PCYT1A: variants seen among roughly 807,000 people sequenced by gnomAD.
The protein encoded by PCYT1A is phosphate cytidylyltransferase 1A, choline, also known as choline-phosphate cytidylyltransferase A.
A neutral mutation model predicts 43.7 loss-of-function variants in PCYT1A; 25 were observed. The observed-to-expected ratio is 0.57, with a 90% confidence interval of 0.42 to 0.80. The LOEUF is 0.80. PCYT1A is among the 30% of genes least tolerant of loss of function. The pLI, the probability that PCYT1A is intolerant of heterozygous loss-of-function variation, is 0.00. For synonymous variants in PCYT1A, 172 were observed against 170.7 expected, an observed-to-expected ratio of 1.01 and a Z score of -0.06; for missense variants, 421 against 474.2, an observed-to-expected ratio of 0.89 and a Z score of 1.04.
intron 2 of PCYT1A, among the ~76,000 whole-genome samples, chr3:196,259,911 CTTTTTTTTTTT>C (rs779918737): frequency 8.8e-4 from 43 of 48,962 alleles, no homozygotes; most frequent in African/African-American, 2.9e-3. Context: ...TGGAAACATT[CTTTTTTTTTTT>C]TTTTTTTTTT....
Position 196,252,468 on chromosome 3 carries a change from T to C in PCYT1A, c.218-4145A>G, listed in dbSNP as rs1724832369. ...GTTGGCCAGGCTGGTCTCAATTTCC[T>C]GACCTCAAGTGATCTGCCCGCCTTG... On this transcript the variant is annotated intron_variant, in intron 3 of 8. Coordinates refer to ENST00000431016, the MANE Select transcript of PCYT1A (RefSeq NM_001312673.2). The surrounding 1 kb of genome is among the most constrained non-coding windows in gnomAD (Gnocchi z 4.0). Among the ~76,000 whole-genome samples, 1 of 152,194 alleles carries C rather than the reference T, an allele frequency of 6.6e-6. No homozygotes were observed.
chr3:196,260,797 G>A (rs1725086806), intron 2 of PCYT1A, among the ~76,000 whole-genome samples: 1 of 152,168 alleles, frequency 6.6e-6, no homozygotes, highest in South Asian at 2.1e-4. Flanking sequence ...AGCTGAGATT[G>A]TGCTACCGTA....
At chr3:196,267,305 C>A (rs1560173822) in intron 2 of PCYT1A, 1 of 456,492 alleles carries the variant, frequency 2.2e-6, no homozygotes, top group South Asian at 1.5e-5. Flanking sequence ...GTATGAATGT[C>A]CAGAACAGGC....
intron 3 of PCYT1A, among the ~76,000 whole-genome samples, chr3:196,256,168 C>A (rs1402217127): frequency 1.3e-5 from 2 of 152,154 alleles, no homozygotes; most frequent in African/African-American, 4.8e-5. Flanking sequence ...AATACATATA[C>A]CCAAGATAAG....
rs1724112818 is a variant in PCYT1A, at chr3:196,234,543, G to A, written c.*4145C>T. On this transcript the variant is annotated 3_prime_UTR_variant, in exon 9 of 9. Coordinates refer to ENST00000431016, the MANE Select transcript of PCYT1A (RefSeq NM_001312673.2). ...AGACGAAGCCAGCAGTCCTTTCCAA[G>A]ACTCTTTTGTCTTTTAGGGATCCTC... is the stretch of plus-strand genomic sequence containing the variant. The A allele has an allele frequency of 6.6e-6, 1 of 152,178 alleles. No homozygotes were observed. Among genetic ancestry groups the A allele is most frequent in the Admixed American group, 6.5e-5 (1 of 15,280 alleles). 9.4% of individuals were successfully genotyped at this position (152,178 alleles called of 1,614,324 possible). A position where few individuals can be genotyped will look rare whatever the true frequency, so the allele number is the denominator to read the frequency against.
chr3:196,249,137 A>C (rs922802400), intron 3 of PCYT1A, among the ~76,000 whole-genome samples: 3 of 151,332 alleles, frequency 2.0e-5, no homozygotes, highest in Admixed American at 1.3e-4. Context: ...ATGAAAAATG[A>C]CTATAAAGAC....
At position 196,281,096 on chromosome 3, in the gene PCYT1A, T is replaced by C. The variant is rs117922917; in HGVS notation, c.-11+6519A>G. ...CCCCACTAAAACCCAATGCCCAGTA[T>C]TTTTCTATCAGCATATCAATGCCCA... On this transcript the variant is annotated intron_variant, in intron 1 of 8. Coordinates refer to ENST00000431016, the MANE Select transcript of PCYT1A (RefSeq NM_001312673.2). 1.7e-3 allele frequency among the ~76,000 whole-genome samples: 253 copies of C among 152,350 alleles called. 3 individuals carry two copies. In the East Asian group the frequency reaches 0.032, roughly 19 times the overall value.
In PCYT1A at chr3:196,270,471, G is replaced by T. The variant is rs150416628; in HGVS notation, c.61C>A (p.Pro21Thr). 3 of 1,614,170 alleles carry T rather than the reference G, an allele frequency of 1.9e-6. No homozygotes were observed. The highest frequency in any genetic ancestry group is 2.2e-5 in the South Asian group (2 of 91,088). Residue 21 changes from proline (P) to threonine (T), a missense_variant, in exon 2 of 9, where the codon CCC (proline) becomes ACC (threonine). Around this residue, in one of 3 missense-constraint regions of PCYT1A, gnomAD observed 139 missense variants for 117.7 expected, o/e 1.18. Coordinates refer to ENST00000431016, the MANE Select transcript of PCYT1A (RefSeq NM_001312673.2). ...ARKRRKEAPG[P>T]NGATEEDGVP... ...CCATCTTCTTCTGTTGCCCCGTTGG[G>T]TCCGGGCGCCTCTTTTCTCCTCTTC...
intron 8 of PCYT1A, 62 bp from the exon 9 acceptor site, chr3:196,238,956 G>C (rs1724268874): frequency 2.9e-6 from 3 of 1,040,028 alleles, no homozygotes; most frequent in Non-Finnish European, 4.0e-6. Context: ...CATCACTGAA[G>C]CATCTAGGAC....
intron 1 of PCYT1A, among the ~76,000 whole-genome samples, chr3:196,278,760 G>A (rs1439436488): frequency 6.6e-6 from 1 of 152,026 alleles, no homozygotes; most frequent in African/African-American, 2.4e-5. Context: ...CGGATGGATT[G>A]CTTGAGCCCA....
chr3:196,254,375 G>A (rs564505118), intron 3 of PCYT1A, among the ~76,000 whole-genome samples: 1 of 151,548 alleles, frequency 6.6e-6, no homozygotes, highest in Non-Finnish European at 1.5e-5. Context: ...TATTTTTTAA[G>A]ATAGGGTCTC....
At chr3:196,276,565 T>G (rs1725596461) in intron 1 of PCYT1A, among the ~76,000 whole-genome samples, 2 of 150,306 alleles carry the variant, frequency 1.3e-5, no homozygotes, top group Non-Finnish European at 2.9e-5. Flanking sequence ...ATCGCACCAC[T>G]GCACTCCAGC....
Position 196,238,446 on chromosome 3 carries a change from G to A in PCYT1A, c.*242C>T, listed in dbSNP as rs182349073. The A allele has an allele frequency of 4.5e-5, 16 of 355,562 alleles. No homozygotes were observed. The South Asian group carries it at 1.3e-3, about 28-fold the overall frequency. The allele number at this position is 355,562 out of a possible 1,614,324, so 22.0% of individuals were successfully genotyped here. ...CATAAACAGTGAAACAAAGCCCTTG[G>A]GGGGGGGTAAATGGATGCAGAGCAG... On this transcript the variant is annotated 3_prime_UTR_variant, in exon 9 of 9. Coordinates refer to ENST00000431016, the MANE Select transcript of PCYT1A (RefSeq NM_001312673.2).
intron 2 of PCYT1A, among the ~76,000 whole-genome samples, chr3:196,267,898 C>T (rs1445413249): frequency 1.3e-5 from 2 of 152,098 alleles, no homozygotes; most frequent in African/African-American, 2.4e-5. Context: ...AGATTCAGAG[C>T]TAGAAAGTAC....
intron 1 of PCYT1A, among the ~76,000 whole-genome samples, chr3:196,280,970 C>G (rs1450271665): frequency 1.3e-5 from 2 of 152,182 alleles, no homozygotes; most frequent in African/African-American, 2.4e-5. Context: ...CTAACTCAAA[C>G]TTGACCAATT....
chr3:196,248,385 T>C (rs757414469), intron 3 of PCYT1A, 62 bp from the exon 4 acceptor site: 13 of 1,050,236 alleles, frequency 1.2e-5, no homozygotes, highest in Non-Finnish European at 1.9e-5. Context: ...TTTATTTTTA[T>C]TTTTGAGGCC....
chr3:196,278,402 A>G (rs1449009114), intron 1 of PCYT1A, among the ~76,000 whole-genome samples: 1 of 152,130 alleles, frequency 6.6e-6, no homozygotes, highest in Non-Finnish European at 1.5e-5. Flanking sequence ...CTACATTCAA[A>G]GGGGAAAAAA....
chr3:196,239,110 C>T (rs1314693505), intron 8 of PCYT1A, among the ~76,000 whole-genome samples: 1 of 152,226 alleles, frequency 6.6e-6, no homozygotes, highest in African/African-American at 2.4e-5. Flanking sequence ...TTCCTGATAT[C>T]TAACCTAGGA....
intron 2 of PCYT1A, among the ~76,000 whole-genome samples, chr3:196,259,674 T>G (rs1465920271): frequency 6.6e-6 from 1 of 151,684 alleles, no homozygotes; most frequent in Non-Finnish European, 1.5e-5. Context: ...CGAAACCCTG[T>G]CTCTACAAAA....
Sources: allele counts gnomAD v4.1 joint callset (sites outside exome capture counted in the v4.1 genomes callset), GRCh38; gene constraint gnomAD v4.1.1; regional missense constraint gnomAD v4.1.1; non-coding constraint Gnocchi (gnomAD v3.1); transcripts MANE v1.5; gene names NCBI Gene and HGNC (gene_info 2026-07-23, HGNC 2026-07-21).